Variants in ASAP1 observed in about 807,000 individuals in gnomAD.
ASAP1 encodes arf-GAP with SH3 domain, ANK repeat and PH domain-containing protein 1.
A neutral mutation model predicts 145.2 loss-of-function variants in ASAP1; 43 were observed. The observed-to-expected ratio is 0.30, with a 90% confidence interval of 0.23 to 0.38. The LOEUF (loss-of-function observed/expected upper bound fraction) is 0.38, where lower values mean the gene tolerates loss of function less well. Among genes scored for constraint, ASAP1 ranks in the 10% least tolerant of loss-of-function variants. ASAP1 has a pLI of 1.00. For synonymous variants in ASAP1, 546 were observed against 515.5 expected (o/e 1.06, Z -0.80); for missense variants, 1,018 against 1,355.3 (o/e 0.75, Z 3.91).
chr8:130,224,378 A>AG lies in ASAP1; in HGVS notation c.260-9678_260-9677insC, dbSNP rs541412168. 7.9e-5 allele frequency among the ~76,000 whole-genome samples: 12 copies of AG among 152,324 alleles called. 1 individual carries two copies. In the East Asian group the frequency reaches 2.3e-3, roughly 29 times the overall value. On this transcript the variant is annotated intron_variant, in intron 4 of 29. Coordinates refer to ENST00000518721, the MANE Select transcript of ASAP1 (RefSeq NM_018482.4). ...ACTAATCACACTTATAAAATATTTAATTCTATTTGTTTTTAAAATTATATA... is the reference window on the plus strand; with the variant it reads ...ACTAATCACACTTATAAAATATTTAAGTTCTATTTGTTTTTAAAATTATATA...
At chr8:130,397,331 G>A (rs1463762757) in intron 2 of ASAP1, among the ~76,000 whole-genome samples, 1 of 152,180 alleles carries the variant, frequency 6.6e-6, no homozygotes, top group Admixed American at 6.5e-5. Flanking sequence ...AGTAGAGACA[G>A]GGTTTCGCCA....
At chr8:130,148,704 T>C (rs1245234364) in intron 13 of ASAP1, among the ~76,000 whole-genome samples, 1 of 152,240 alleles carries the variant, frequency 6.6e-6, no homozygotes, top group Non-Finnish European at 1.5e-5. Context: ...TCTTATACTT[T>C]CTGTTGTAAT....
chr8:130,236,676 C>A (rs188281621), intron 4 of ASAP1, among the ~76,000 whole-genome samples: 3 of 152,236 alleles, frequency 2.0e-5, no homozygotes, highest in Admixed American at 2.0e-4. Flanking sequence ...TTACTCATAA[C>A]TCTATTAAGC....
intron 3 of ASAP1, among the ~76,000 whole-genome samples, chr8:130,326,248 T>C (rs971256654): frequency 1.3e-5 from 2 of 152,196 alleles, no homozygotes; most frequent in East Asian, 1.9e-4. Flanking sequence ...AGTCCCAGCA[T>C]GCTCACGTAC....
chr8:130,118,433 C>A, intron 19 of ASAP1, 56 bp downstream of exon 19: 2 of 1,537,340 alleles, frequency 1.3e-6, no homozygotes, highest in South Asian at 1.2e-5. Context: ...AATAAGTCAC[C>A]TTTTAAACTG....
chr8:130,194,689 G>GA (rs1815364866), intron 5 of ASAP1, among the ~76,000 whole-genome samples: 1 of 152,090 alleles, frequency 6.6e-6, no homozygotes, highest in African/African-American at 2.4e-5. Context: ...TTCTCATAAA[G>GA]AGTGTTCAAC....
chr8:130,066,567 TTTC>T (rs1420022747), intron 27 of ASAP1, among the ~76,000 whole-genome samples: 2 of 151,926 alleles, frequency 1.3e-5, no homozygotes, highest in African/African-American at 2.4e-5. Context: ...TCATTCTTTC[TTTC>T]TTTTTTCTTT....
intron 14 of ASAP1, among the ~76,000 whole-genome samples, chr8:130,135,191 A>G (rs2097591657): frequency 6.6e-6 from 1 of 152,342 alleles, no homozygotes; most frequent in East Asian, 1.9e-4. Flanking sequence ...GACAATGTGT[A>G]TGTCAAAGAA....
intron 3 of ASAP1, among the ~76,000 whole-genome samples, chr8:130,239,815 C>A (rs1186440143): frequency 1.3e-5 from 2 of 152,016 alleles, no homozygotes; most frequent in East Asian, 3.9e-4. Flanking sequence ...AAACCTTGGG[C>A]CTTAGAGAAA....
At position 130,118,633 on chromosome 8, in the gene ASAP1, A is replaced by G. The variant is rs2097560338; in HGVS notation, c.1650T>C (p.His550=). ...KEYITAKYVD[H]RFSRKTCSTS... is the part of the protein sequence containing the mutation. ...TTGAACAGGTCTTCCTTGAAAACCT[A>G]TGATCTACATACTTTGCAGTGATAT... The change falls in exon 19 of 30, where the codon CAT becomes CAC. Residue 550 remains histidine (H), a synonymous_variant. Coordinates refer to ENST00000518721, the MANE Select transcript of ASAP1 (RefSeq NM_018482.4). 4 of 1,613,846 alleles carry G rather than the reference A, an allele frequency of 2.5e-6. No homozygotes were observed. Among genetic ancestry groups the G allele is most frequent in the Non-Finnish European group, 3.4e-6 (4 of 1,179,812 alleles).
At chr8:130,216,001 AAAGGAAAGG>A in intron 4 of ASAP1, among the ~76,000 whole-genome samples, 1 of 126,652 alleles carries the variant, frequency 7.9e-6, no homozygotes, top group African/African-American at 3.1e-5. Flanking sequence ...AAAGGAAAGG[AAAGGAAAGG>A]AAAGGAAAAA....
rs193166671 is a variant in ASAP1, at chr8:130,116,495, A to G, written c.2064+183T>C. 8.5e-5 allele frequency among the ~76,000 whole-genome samples: 13 copies of G among 152,362 alleles called. No homozygotes were observed. In the East Asian group the frequency reaches 2.5e-3, roughly 29 times the overall value. ...CCTCCTTTAACTGCATTCCAAAAAC[A>G]TGTGGATGACAAATTTATCATTTTA... is the stretch of plus-strand genomic sequence containing the variant. On this transcript the variant is annotated intron_variant, in intron 22 of 29. Transcript: ENST00000518721.
intron 2 of ASAP1, among the ~76,000 whole-genome samples, chr8:130,395,980 T>G (rs1004913488): frequency 6.6e-6 from 1 of 152,298 alleles, no homozygotes; most frequent in Admixed American, 6.5e-5. Context: ...TTCTGTTGTT[T>G]TAAGCCACCA....
chr8:130,344,762 CAAAA>C (rs1338944342), intron 3 of ASAP1, among the ~76,000 whole-genome samples: 1 of 151,820 alleles, frequency 6.6e-6, no homozygotes, highest in Non-Finnish European at 1.5e-5. Context: ...AACAAACAAA[CAAAA>C]AACAACAAAG....
intron 13 of ASAP1, among the ~76,000 whole-genome samples, chr8:130,143,000 C>T (rs918675563): frequency 1.3e-5 from 2 of 152,090 alleles, no homozygotes; most frequent in Admixed American, 6.6e-5. Context: ...TGCTGGTGGC[C>T]AGAGGCTTAA....
chr8:130,251,555 A>G (rs1052943463), intron 3 of ASAP1, among the ~76,000 whole-genome samples: 1 of 152,198 alleles, frequency 6.6e-6, no homozygotes, highest in African/African-American at 2.4e-5. Context: ...ACTATCAGCA[A>G]AAAGATAAAT....
intron 2 of ASAP1, among the ~76,000 whole-genome samples, chr8:130,399,284 T>G (rs1382463938): frequency 6.6e-6 from 1 of 152,222 alleles, no homozygotes; most frequent in Non-Finnish European, 1.5e-5. Context: ...CCTGAACTTT[T>G]AGGTAAGAGA....
chr8:130,401,485 T>G (rs1191453516), intron 2 of ASAP1, among the ~76,000 whole-genome samples: 2 of 152,106 alleles, frequency 1.3e-5, no homozygotes, highest in Non-Finnish European at 2.9e-5. Context: ...CCTCAAATGA[T>G]CCACCCACCT....
intron 13 of ASAP1, among the ~76,000 whole-genome samples, chr8:130,148,400 G>A (rs986779260): frequency 6.6e-6 from 1 of 152,200 alleles, no homozygotes; most frequent in African/African-American, 2.4e-5. Context: ...CAGGCAATGT[G>A]TTAGGTACTG....
Sources: allele counts gnomAD v4.1 joint callset (sites outside exome capture counted in the v4.1 genomes callset), GRCh38; gene constraint gnomAD v4.1.1; transcripts MANE v1.5; gene names NCBI Gene and HGNC (gene_info 2026-07-23, HGNC 2026-07-21).